PDE3A: variants seen among roughly 807,000 people sequenced by gnomAD.
PDE3A encodes phosphodiesterase 3A.
In PDE3A, 43 loss-of-function variants were observed where a neutral mutation model predicts 98.3. The observed-to-expected ratio is 0.44, with a 90% CI of 0.34 to 0.56. PDE3A has a LOEUF of 0.56. Ranked by LOEUF, PDE3A falls within the 20% of genes least tolerant of loss-of-function variation. The pLI is 0.01. For missense variants in PDE3A, 1,427 were observed against 1,440.7 expected, an observed-to-expected ratio of 0.99 and a Z score of 0.15; for synonymous variants, 663 against 567.9, an observed-to-expected ratio of 1.17 and a Z score of -2.38.
intron 1 of PDE3A, among the ~76,000 whole-genome samples, chr12:20,513,789 T>G (rs935844215): frequency 1.3e-5 from 2 of 152,162 alleles, no homozygotes; most frequent in African/African-American, 2.4e-5. Flanking sequence ...ATTGAAACAA[T>G]TTAGACAGAT....
At chr12:20,527,556 G>T (rs574920724) in intron 1 of PDE3A, among the ~76,000 whole-genome samples, 1 of 152,104 alleles carries the variant, frequency 6.6e-6, no homozygotes, top group African/African-American at 2.4e-5. Context: ...GCATCTTTCC[G>T]CTGTCTGTTT....
chr12:20,406,287 T>C (rs1240425649), intron 1 of PDE3A, among the ~76,000 whole-genome samples: 1 of 152,230 alleles, frequency 6.6e-6, no homozygotes, highest in African/African-American at 2.4e-5. Context: ...GTTCTGTTTT[T>C]AAGTTTTTGA....
At chr12:20,375,476 C>G (rs1317241976) in intron 1 of PDE3A, among the ~76,000 whole-genome samples, 1 of 151,640 alleles carries the variant, frequency 6.6e-6, no homozygotes, top group Admixed American at 6.6e-5. Context: ...ACAGATGTGC[C>G]TGAGTTGTAG....
Position 20,629,895 on chromosome 12 carries a change from C to CA in PDE3A, c.1541-12dup. 6.3e-7 allele frequency: 1 copy of CA among 1,595,074 alleles called. No homozygotes were observed. On this transcript the variant is annotated splice_polypyrimidine_tract_variant and intron_variant, in intron 5 of 15. Coordinates refer to ENST00000359062, the MANE Select transcript of PDE3A (RefSeq NM_000921.5). The stretch of plus-strand genomic sequence containing the variant: ...GACATTTGTTTAGTTACTTAACTCT[C>CA]ATTCTTTCTCAGGTGCCCTCGCTAA...
intron 1 of PDE3A, among the ~76,000 whole-genome samples, chr12:20,530,357 C>A (rs1459881665): frequency 6.6e-6 from 1 of 152,026 alleles, no homozygotes; most frequent in East Asian, 1.9e-4. Flanking sequence ...ATACCCAACT[C>A]CAGATAGTAG....
intron 2 of PDE3A, among the ~76,000 whole-genome samples, chr12:20,562,235 T>C: frequency 6.7e-6 from 1 of 149,732 alleles, no homozygotes; most frequent in South Asian, 2.1e-4. Flanking sequence ...TTTTTTTTTT[T>C]TTTGGAGACG....
At chr12:20,527,555 C>T (rs78515994) in intron 1 of PDE3A, among the ~76,000 whole-genome samples, 1,699 of 152,192 alleles carry the variant, frequency 0.011, 26 homozygotes, top group African/African-American at 0.039. Context: ...GGCATCTTTC[C>T]GCTGTCTGTT....
chr12:20,653,186 A>G (rs541896230), intron 14 of PDE3A, among the ~76,000 whole-genome samples: 1 of 152,216 alleles, frequency 6.6e-6, no homozygotes, highest in Non-Finnish European at 1.5e-5. Context: ...ATTATTAAAC[A>G]TATAGATAAA....
In PDE3A at chr12:20,458,358, G is replaced by A. The variant is rs554256661; in HGVS notation, c.960+88114G>A. On this transcript the variant is annotated intron_variant, in intron 1 of 15. Transcript: ENST00000359062. ...CCTTTTACTTATCCTCAGTTTTATCGAGGTATATAAATATTAAGCTTTCCA... is the reference window on the plus strand; with the variant it reads ...CCTTTTACTTATCCTCAGTTTTATCAAGGTATATAAATATTAAGCTTTCCA... 1.5e-4 allele frequency among the ~76,000 whole-genome samples: 22 copies of A among 150,492 alleles called. 1 individual carries two copies. Among genetic ancestry groups the A allele is most frequent in the African/African-American group, 5.4e-4 (22 of 40,974 alleles).
chr12:20,587,650 T>A (rs997393115), intron 2 of PDE3A, among the ~76,000 whole-genome samples: 7 of 152,160 alleles, frequency 4.6e-5, no homozygotes, highest in Non-Finnish European at 1.0e-4. Context: ...GGAAAATATA[T>A]AAATGTACAT....
At chr12:20,677,816 G>A (rs1251227956) in intron 15 of PDE3A, among the ~76,000 whole-genome samples, 1 of 77,924 alleles carries the variant, frequency 1.3e-5, no homozygotes, top group Non-Finnish European at 2.7e-5. Context: ...AAAGTTCCTT[G>A]GCTTTTGATT....
rs1946011795 is a variant in PDE3A at position 20,687,816 on chromosome 12, TTTGG to T, written c.*7552_*7555del. On this transcript the variant is annotated 3_prime_UTR_variant, in exon 16 of 16. Coordinates refer to ENST00000359062, the MANE Select transcript of PDE3A (RefSeq NM_000921.5). ...AATCTGAATTTAGAGTGTTTTAGGT[TTTGG>T]TTGGTTTGAATAATTTGATTTGCAT... Among the ~76,000 whole-genome samples, 1 of 151,172 alleles carries T rather than the reference TTTGG, an allele frequency of 6.6e-6. No homozygotes were observed. The highest frequency in any genetic ancestry group is 1.9e-4 in the East Asian group (1 of 5,142).
At chr12:20,457,809 A>G (rs1173177162) in intron 1 of PDE3A, among the ~76,000 whole-genome samples, 1 of 152,056 alleles carries the variant, frequency 6.6e-6, no homozygotes, top group East Asian at 1.9e-4. Context: ...TTTAAAAAGA[A>G]CTGAACTATG....
chr12:20,563,647 CA>C lies in PDE3A; in HGVS notation c.1011+6938del, dbSNP rs112287223. On this transcript the variant is annotated intron_variant, in intron 2 of 15. Coordinates refer to ENST00000359062, the MANE Select transcript of PDE3A (RefSeq NM_000921.5). ...TTAACTTTTGGCAACTCTCCAAAGA[CA>C]GTTTGGTTTTGGGGTTTTTCGTTTG... is the stretch of plus-strand genomic sequence containing the variant. Among the ~76,000 whole-genome samples, 5 of 152,146 alleles carry C rather than the reference CA, an allele frequency of 3.3e-5. 1 individual carries two copies. The highest frequency in any genetic ancestry group is 1.2e-4 in the African/African-American group (5 of 41,530).
chr12:20,606,851 CAA>C (rs370189687), intron 2 of PDE3A, among the ~76,000 whole-genome samples: 14 of 74,642 alleles, frequency 1.9e-4, no homozygotes, highest in Admixed American at 4.6e-4. Context: ...AGCTCCATCT[CAA>C]AAAAAAAAAA....
Position 20,449,873 on chromosome 12 carries a change from G to A in PDE3A, c.960+79629G>A, listed in dbSNP as rs535811122. 1.7e-5 allele frequency: 11 copies of A among 654,370 alleles called. No homozygotes were observed. The East Asian group carries it at 3.2e-4, about 19-fold the overall frequency. The allele number at this position is 654,370 out of a possible 1,614,324, so 40.5% of individuals were successfully genotyped here. A position where few individuals can be genotyped will look rare whatever the true frequency, so the allele number is the denominator to read the frequency against. ...CCTGCCCCTTTTAGTGGACATTTGG[G>A]TGACAGATCTTTAAGTGTGCTCTTC... On this transcript the variant is annotated intron_variant, in intron 1 of 15. Transcript: ENST00000359062.
intron 1 of PDE3A, among the ~76,000 whole-genome samples, chr12:20,439,345 G>T (rs371151334): frequency 6.6e-6 from 1 of 152,050 alleles, no homozygotes; most frequent in Non-Finnish European, 1.5e-5. Flanking sequence ...TATGAATTTT[G>T]TCTGTTTATA....
At chr12:20,523,056 C>A (rs1184269489) in intron 1 of PDE3A, among the ~76,000 whole-genome samples, 1 of 151,516 alleles carries the variant, frequency 6.6e-6, no homozygotes, top group Admixed American at 6.6e-5. Context: ...CTGGGGTATA[C>A]CTGGGCGGTG....
At chr12:20,548,800 T>C (rs763352701) in intron 1 of PDE3A, among the ~76,000 whole-genome samples, 5 of 152,178 alleles carry the variant, frequency 3.3e-5, no homozygotes, top group Non-Finnish European at 7.4e-5. Flanking sequence ...TAATGTCAAA[T>C]GATTACTTTG....
Sources: allele counts gnomAD v4.1 joint callset (sites outside exome capture counted in the v4.1 genomes callset), GRCh38; gene constraint gnomAD v4.1.1; transcripts MANE v1.5; gene names NCBI Gene and HGNC (gene_info 2026-07-23, HGNC 2026-07-21).